WWC1: variants seen among roughly 807,000 people sequenced by gnomAD.
WWC1 encodes protein KIBRA.
Under a neutral mutation model 138.4 loss-of-function variants are expected in WWC1, and 55 were observed. That is an observed-to-expected ratio of 0.40 (90% CI 0.32 to 0.50). The LOEUF is 0.50. WWC1 is among the 20% of genes least tolerant of loss of function. The probability of loss-of-function intolerance (pLI) is 0.72; values close to 1 mark genes in which losing one functional copy is unlikely to be tolerated. For synonymous variants in WWC1, 524 were observed against 564.9 expected, an observed-to-expected ratio of 0.93 and a Z score of 1.03; for missense variants, 1,226 against 1,420.4, an observed-to-expected ratio of 0.86 and a Z score of 2.20.
At chr5:168,440,947 TACAG>T in intron 15 of WWC1, among the ~76,000 whole-genome samples, 1 of 152,130 alleles carries the variant, frequency 6.6e-6, no homozygotes, top group East Asian at 1.9e-4. Context: ...AGCATACCCA[TACAG>T]TGGAATATTA....
intron 1 of WWC1, among the ~76,000 whole-genome samples, chr5:168,305,795 T>C (rs1422422): frequency 0.65 from 98,333 of 151,934 alleles, 32,074 homozygotes; most frequent in Middle Eastern, 0.76. Context: ...AAAATACCCA[T>C]GCCTGGCCCA....
At chr5:168,404,305 C>G (rs1245317052) in intron 5 of WWC1, among the ~76,000 whole-genome samples, 4 of 152,268 alleles carry the variant, frequency 2.6e-5, no homozygotes, top group African/African-American at 4.8e-5. Flanking sequence ...GGGGAGCCTC[C>G]TTGCCACGGA....
rs536744511 is a variant in WWC1, at chr5:168,330,477, A to G, written c.119+38206A>G. Among the ~76,000 whole-genome samples the G allele has an allele frequency of 2.6e-5, 4 of 152,190 alleles. No homozygotes were observed. In the South Asian group the frequency reaches 6.2e-4, roughly 24 times the overall value. ...AGGCACCTTCAGAATTATGATGATTAATTGGCTCGTGTTTTCTCAACACTG... is the reference window on the plus strand; with the variant it reads ...AGGCACCTTCAGAATTATGATGATTGATTGGCTCGTGTTTTCTCAACACTG... On this transcript the variant is annotated intron_variant, in intron 1 of 22. Transcript: ENST00000265293.
At chr5:168,441,960 G>T in intron 16 of WWC1, 126 bp downstream of exon 16, 1 of 1,359,762 alleles carries the variant, frequency 7.4e-7, no homozygotes, top group South Asian at 1.7e-5. Flanking sequence ...GAGGAAGTAG[G>T]AGAAGAAGAC....
chr5:168,383,196 G>A (rs1021275973), intron 2 of WWC1, among the ~76,000 whole-genome samples: 5 of 148,302 alleles, frequency 3.4e-5, no homozygotes, highest in African/African-American at 9.9e-5. Context: ...AAAAAAAAAA[G>A]AAAAGAAAAA....
At chr5:168,295,511 T>TGTGTGC (rs1769463155) in intron 1 of WWC1, among the ~76,000 whole-genome samples, 1 of 151,842 alleles carries the variant, frequency 6.6e-6, no homozygotes, top group African/African-American at 2.4e-5. Context: ...TGTGTGTGTG[T>TGTGTGC]GTGTGTGTTT....
chr5:168,423,395 G>C, intron 10 of WWC1, 138 bp from the exon 11 acceptor site: 1 of 932,972 alleles, frequency 1.1e-6, no homozygotes, highest in East Asian at 2.5e-5. Flanking sequence ...TTTCCATGAA[G>C]TGGGGGTGAA....
At chr5:168,331,246 C>G (rs1187390070) in intron 1 of WWC1, among the ~76,000 whole-genome samples, 1 of 152,164 alleles carries the variant, frequency 6.6e-6, no homozygotes, top group Admixed American at 6.5e-5. Flanking sequence ...GAGCATTCAG[C>G]AAGATTCAAA....
chr5:168,419,738 T>C (rs533074961), intron 9 of WWC1, among the ~76,000 whole-genome samples: 2 of 152,258 alleles, frequency 1.3e-5, no homozygotes, highest in South Asian at 2.1e-4. Context: ...GCTTGCTCGA[T>C]AGGGCCCTTT....
At chr5:168,295,520 T>TGTGTG in intron 1 of WWC1, among the ~76,000 whole-genome samples, 2 of 76,056 alleles carry the variant, frequency 2.6e-5, no homozygotes, top group Non-Finnish European at 5.5e-5. Flanking sequence ...GTGTGTGTGT[T>TGTGTG]TATTTGCCTT....
intron 1 of WWC1, among the ~76,000 whole-genome samples, chr5:168,339,832 T>TTCTTTTA (rs796623514): frequency 2.1e-5 from 1 of 48,268 alleles, no homozygotes; most frequent in Non-Finnish European, 8.9e-5. Context: ...CTTTCTTTCT[T>TTCTTTTA]TTTCTTTTCT....
intron 3 of WWC1, 52 bp downstream of exon 3, chr5:168,385,466 A>T (rs888430617): frequency 6.4e-7 from 1 of 1,573,056 alleles, no homozygotes. Context: ...GAGAATGGCC[A>T]CACTGAGTTC....
At chr5:168,386,795 G>A (rs778339593) in intron 3 of WWC1, among the ~76,000 whole-genome samples, 2 of 151,994 alleles carry the variant, frequency 1.3e-5, no homozygotes, top group South Asian at 2.1e-4. Context: ...GATTACAAGC[G>A]TGAGCCACCA....
At chr5:168,363,159 C>CAG (rs755325646) in intron 1 of WWC1, among the ~76,000 whole-genome samples, 1 of 152,142 alleles carries the variant, frequency 6.6e-6, no homozygotes, top group Non-Finnish European at 1.5e-5. Context: ...CCTCCTCCTT[C>CAG]AGAGAGCAGA....
At chr5:168,465,171 G>A (rs1315042255) in intron 21 of WWC1, among the ~76,000 whole-genome samples, 1 of 152,220 alleles carries the variant, frequency 6.6e-6, no homozygotes, top group Non-Finnish European at 1.5e-5. Context: ...CCTTTCACCT[G>A]GCTGCAAGGC....
At chr5:168,332,697 G>T (rs1186428568) in intron 1 of WWC1, among the ~76,000 whole-genome samples, 7 of 151,524 alleles carry the variant, frequency 4.6e-5, no homozygotes, top group Non-Finnish European at 8.8e-5. Flanking sequence ...TATGTTTTTG[G>T]TTTTTTCTTT....
intron 1 of WWC1, among the ~76,000 whole-genome samples, chr5:168,332,733 G>C (rs1174054778): frequency 2.6e-5 from 4 of 151,232 alleles, no homozygotes; most frequent in Non-Finnish European, 1.5e-5. Context: ...TTTTGTGACA[G>C]GGTCTCACTC....
intron 1 of WWC1, among the ~76,000 whole-genome samples, chr5:168,324,407 T>C (rs1772364889): frequency 6.6e-6 from 1 of 152,030 alleles, no homozygotes. Flanking sequence ...TACTCCAGCT[T>C]GGGTAACAGA....
chr5:168,330,933 G>A (rs1772984494), intron 1 of WWC1, among the ~76,000 whole-genome samples: 1 of 152,182 alleles, frequency 6.6e-6, no homozygotes, highest in South Asian at 2.1e-4. Context: ...CGAACCCTCA[G>A]TGCTGAGCTG....
Sources: allele counts gnomAD v4.1 joint callset (sites outside exome capture counted in the v4.1 genomes callset), GRCh38; gene constraint gnomAD v4.1.1; transcripts MANE v1.5; gene names NCBI Gene and HGNC (gene_info 2026-07-23, HGNC 2026-07-21).